Variants in COL25A1 observed in about 807,000 individuals in gnomAD.
COL25A1 encodes collagen type XXV alpha 1 chain, also known as collagen alpha-1(XXV) chain.
COL25A1 carries 103 observed loss-of-function variants against 128.4 expected under a neutral mutation model. The ratio of observed to expected loss-of-function variants is 0.80; its 90% confidence interval spans 0.68 to 0.94. The LOEUF (loss-of-function observed/expected upper bound fraction) is 0.94. COL25A1 is among the 40% of genes least tolerant of loss of function. The probability of loss-of-function intolerance (pLI) is 0.00; values close to 1 mark genes in which losing one functional copy is unlikely to be tolerated. For missense variants in COL25A1, 745 were observed against 840.0 expected, an observed-to-expected ratio of 0.89 and a Z score of 1.40; for synonymous variants, 279 against 277.2, an observed-to-expected ratio of 1.01 and a Z score of -0.06.
At chr4:108,967,457 C>T (rs555986733) in intron 8 of COL25A1, among the ~76,000 whole-genome samples, 7 of 152,236 alleles carry the variant, frequency 4.6e-5, no homozygotes, top group Admixed American at 4.6e-4. Context: ...TTACTTTACC[C>T]CATATTCCTC....
At chr4:108,982,532 G>A (rs573839308) in intron 6 of COL25A1, among the ~76,000 whole-genome samples, 1 of 152,244 alleles carries the variant, frequency 6.6e-6, no homozygotes, top group South Asian at 2.1e-4. Flanking sequence ...GTTCAAAACA[G>A]CAACATATAA....
intron 10 of COL25A1, among the ~76,000 whole-genome samples, chr4:108,938,720 G>T (rs1212110607): frequency 6.6e-6 from 1 of 152,166 alleles, no homozygotes; most frequent in East Asian, 1.9e-4. Flanking sequence ...AGCCAGGCAT[G>T]GTGGTGGGCA....
chr4:108,898,837 A>G (rs529384285), intron 15 of COL25A1, among the ~76,000 whole-genome samples: 2 of 152,170 alleles, frequency 1.3e-5, no homozygotes, highest in Non-Finnish European at 2.9e-5. Context: ...TCATTATTAA[A>G]TATTTGTTCT....
At chr4:109,286,924 C>T (rs1723947384) in intron 3 of COL25A1, among the ~76,000 whole-genome samples, 1 of 152,128 alleles carries the variant, frequency 6.6e-6, no homozygotes, top group African/African-American at 2.4e-5. Context: ...CCAATAACTG[C>T]CAGAAGGCAT....
Position 109,292,180 on chromosome 4 carries a change from CT to C in COL25A1, c.367+8402del, listed in dbSNP as rs369067585. Among the ~76,000 whole-genome samples the C allele has an allele frequency of 7.6e-3, 1,158 of 152,118 alleles. 11 individuals carry two copies. The highest frequency in any genetic ancestry group is 0.027 in the African/African-American group (1,108 of 41,496). On this transcript the variant is annotated intron_variant, in intron 3 of 37. Transcript: ENST00000399132. ...AGAAAGAAAGCATGGAGGCTATTGGCTTCTGCCTGCTCTAGTCTCTGAGGTC... is the reference window on the plus strand; with the variant it reads ...AGAAAGAAAGCATGGAGGCTATTGGCTCTGCCTGCTCTAGTCTCTGAGGTC...
chr4:109,112,861 A>ATTT (rs1560713620), intron 3 of COL25A1, among the ~76,000 whole-genome samples: 1 of 152,098 alleles, frequency 6.6e-6, no homozygotes, highest in Non-Finnish European at 1.5e-5. Context: ...GCCAAGAATG[A>ATTT]AAAAGTCTGT....
intron 6 of COL25A1, among the ~76,000 whole-genome samples, chr4:108,984,726 C>T (rs1057229793): frequency 1.3e-5 from 2 of 152,214 alleles, no homozygotes; most frequent in African/African-American, 4.8e-5. Context: ...TTCCTGCCCG[C>T]GCCTCTCCCT....
intron 13 of COL25A1, among the ~76,000 whole-genome samples, chr4:108,906,817 T>G (rs1264333055): frequency 1.3e-5 from 2 of 152,168 alleles, no homozygotes; most frequent in African/African-American, 2.4e-5. Context: ...CAGTGCCTAT[T>G]AAAACCACTC....
chr4:109,045,752 A>T (rs905770333), intron 5 of COL25A1, among the ~76,000 whole-genome samples: 4 of 152,154 alleles, frequency 2.6e-5, no homozygotes, highest in Admixed American at 2.6e-4. Context: ...CATCTTATCA[A>T]ATATAAGCAA....
chr4:109,049,853 G>C (rs1760818311), intron 4 of COL25A1, among the ~76,000 whole-genome samples: 1 of 152,126 alleles, frequency 6.6e-6, no homozygotes, highest in South Asian at 2.1e-4. Flanking sequence ...ACATAGAAAG[G>C]ACAGACTTAA....
At chr4:109,283,434 C>CT (rs879875136) in intron 3 of COL25A1, among the ~76,000 whole-genome samples, 36 of 148,002 alleles carry the variant, frequency 2.4e-4, no homozygotes, top group Middle Eastern at 3.5e-3. Flanking sequence ...TTTTCTTTTT[C>CT]TTTTTTTTTT....
intron 3 of COL25A1, among the ~76,000 whole-genome samples, chr4:109,127,477 A>G (rs1361188349): frequency 2.0e-5 from 3 of 152,080 alleles, no homozygotes; most frequent in Non-Finnish European, 2.9e-5. Flanking sequence ...CAGACAAGTT[A>G]CTTTCTTTTA....
chr4:108,882,023 A>G (rs1277466386), intron 19 of COL25A1, among the ~76,000 whole-genome samples: 1 of 152,158 alleles, frequency 6.6e-6, no homozygotes, highest in East Asian at 1.9e-4. Flanking sequence ...AAAACAAAAG[A>G]AAATATCAGA....
intron 10 of COL25A1, among the ~76,000 whole-genome samples, chr4:108,938,267 CAT>C (rs2125924476): frequency 6.6e-6 from 1 of 152,216 alleles, no homozygotes; most frequent in African/African-American, 2.4e-5. Flanking sequence ...TATATCATGA[CAT>C]TATCATTTTC....
At position 109,093,948 on chromosome 4, in the gene COL25A1, T is replaced by C. The variant is rs921506359; in HGVS notation, c.368-43769A>G. Among the ~76,000 whole-genome samples, 6 of 151,700 alleles carry C rather than the reference T, an allele frequency of 4.0e-5. No individual in the cohort carries two copies. The East Asian group carries it at 1.2e-3, about 29-fold the overall frequency. Reference sequence around the variant, plus strand: ...ACCATTTAGAACTTTAGTTGGAAAATATCCATACCAAATCAAAGACATTGT... The same window carrying C: ...ACCATTTAGAACTTTAGTTGGAAAACATCCATACCAAATCAAAGACATTGT... On this transcript the variant is annotated intron_variant, in intron 3 of 37. Transcript: ENST00000399132.
At chr4:109,165,393 G>A (rs1772976498) in intron 3 of COL25A1, among the ~76,000 whole-genome samples, 1 of 152,138 alleles carries the variant, frequency 6.6e-6, no homozygotes, top group Admixed American at 6.5e-5. Flanking sequence ...GATCTTTAAA[G>A]GGAATTTTGG....
Position 108,825,196 on chromosome 4 carries a change from A to T in COL25A1, c.1791T>A (p.Asp597Glu). ...LPGKDGEPGLDGFPGPRGEKG... is the reference protein window; with the variant it reads ...LPGKDGEPGLEGFPGPRGEKG... ...GATGTTTATTGTACTTATTACTTAC[A>T]TCAAGACCAGGCTCTCCATCTTTCC... The change falls in exon 34 of 38, where the codon GAT becomes GAA. Residue 597 changes from aspartate (D) to glutamate (E), a missense_variant and splice_region_variant. Transcript: ENST00000399132. 1 of 1,610,002 alleles carries T rather than the reference A, an allele frequency of 6.2e-7. No homozygotes were observed.
intron 3 of COL25A1, among the ~76,000 whole-genome samples, chr4:109,276,528 G>T (rs1335490785): frequency 6.6e-6 from 1 of 151,998 alleles, no homozygotes; most frequent in Non-Finnish European, 1.5e-5. Flanking sequence ...TACAAAACTG[G>T]GTTTTATTCA....
At chr4:109,024,502 AAAT>A (rs1440341939) in intron 5 of COL25A1, among the ~76,000 whole-genome samples, 4 of 152,080 alleles carry the variant, frequency 2.6e-5, no homozygotes, top group Admixed American at 2.0e-4. Flanking sequence ...AAGGAAAAGA[AAAT>A]AAGAGATGAA....
Sources: gnomAD v4.1 joint callset for allele counts (sites outside exome capture counted in the v4.1 genomes callset) on GRCh38, gnomAD v4.1.1 for gene constraint, MANE v1.5 for transcripts, NCBI Gene and HGNC (gene_info 2026-07-23, HGNC 2026-07-21) for gene names.